The following ZNF383 variants were observed in gnomAD, a reference collection of about 807,000 sequenced individuals.
ZNF383 encodes zinc finger protein 383.
Under a neutral mutation model 44.2 loss-of-function variants are expected in ZNF383, and 32 were observed. The ratio of observed to expected loss-of-function variants is 0.72; its 90% CI spans 0.55 to 0.97. ZNF383 has a LOEUF of 0.97. ZNF383 is among the 50% of genes least tolerant of loss of function. The pLI, the probability that ZNF383 is intolerant of heterozygous loss-of-function variation, is 0.00. For missense variants in ZNF383, 487 were observed against 562.5 expected, an observed-to-expected ratio of 0.87 and a Z score of 1.36; for synonymous variants, 155 against 186.2, an observed-to-expected ratio of 0.83 and a Z score of 1.36.
intron 1 of ZNF383, among the ~76,000 whole-genome samples, chr19:37,222,656 G>A (rs1972980086): frequency 6.6e-6 from 1 of 152,310 alleles, no homozygotes. Flanking sequence ...GGGATTACAG[G>A]TGTGAGCCAC....
chr19:37,243,682 G>GGC lies in ZNF383; in HGVS notation c.*18_*19insGC. On this transcript the variant is annotated 3_prime_UTR_variant, in exon 6 of 6. Transcript: ENST00000684119. Reference sequence around the variant, plus strand: ...ATAAATAATAAAAATTAAAGCCCCTGTCACCTTCCTCATATTTTAAACCAA... The same window carrying GGC: ...ATAAATAATAAAAATTAAAGCCCCTGGCTCACCTTCCTCATATTTTAAACCAA... 2 of 1,450,388 alleles carry GGC rather than the reference G, an allele frequency of 1.4e-6. No homozygotes were observed. The highest frequency in any genetic ancestry group is 9.2e-7 in the Non-Finnish European group (1 of 1,087,154). The allele number at this position is 1,450,388 out of a possible 1,614,324, so 89.8% of individuals were successfully genotyped here. A position where few individuals can be genotyped will look rare whatever the true frequency, so the allele number is the denominator to read the frequency against.
In ZNF383 at chr19:37,235,630, T is replaced by A; in HGVS notation, c.91T>A (p.Tyr31Asn). The A allele has an allele frequency of 1.9e-6, 3 of 1,613,710 alleles. No individual in the cohort carries two copies. The highest frequency in any genetic ancestry group is 2.5e-6 in the Non-Finnish European group (3 of 1,179,878). The part of the protein sequence containing the change: ...DCLDPVQRDL[Y>N]RDVMLENYGN... ...CCTGGACCCTGTTCAGAGGGACTTATACAGAGATGTGATGTTGGAGAACTA... is the reference window on the plus strand; with the variant it reads ...CCTGGACCCTGTTCAGAGGGACTTAAACAGAGATGTGATGTTGGAGAACTA... The change falls in exon 4 of 6, where the codon TAC (tyrosine) becomes AAC (asparagine). Residue 31 changes from tyrosine to asparagine, a missense_variant. Tyr to Asn is a moderately radical substitution (Grantham distance 143). Coordinates refer to ENST00000684119, the MANE Select transcript of ZNF383 (RefSeq NM_001387601.1).
At chr19:37,238,316 TTA>T (rs1436094182) in intron 5 of ZNF383, among the ~76,000 whole-genome samples, 2 of 143,962 alleles carry the variant, frequency 1.4e-5, no homozygotes, top group Non-Finnish European at 3.0e-5. Context: ...ATTTTTAGAA[TTA>T]TATATCACTT....
intron 1 of ZNF383, among the ~76,000 whole-genome samples, chr19:37,220,265 GT>G (rs1214926041): frequency 2.0e-5 from 3 of 151,850 alleles, no homozygotes; most frequent in Admixed American, 1.3e-4. Context: ...GTCTCGCTCT[GT>G]TGCCCAGGCT....
chr19:37,231,242 C>T (rs921103457), intron 3 of ZNF383, among the ~76,000 whole-genome samples: 3 of 152,058 alleles, frequency 2.0e-5, no homozygotes, highest in East Asian at 1.9e-4. Flanking sequence ...ATTTGTAAAA[C>T]GCCAGGTGCA....
intron 3 of ZNF383, among the ~76,000 whole-genome samples, chr19:37,231,457 G>T (rs182132291): frequency 6.6e-6 from 1 of 152,304 alleles, no homozygotes; most frequent in East Asian, 1.9e-4. Context: ...CTGGGAGGCA[G>T]AAATTGCAGT....
intron 2 of ZNF383, among the ~76,000 whole-genome samples, chr19:37,227,941 G>T (rs904505708): frequency 6.6e-6 from 1 of 152,200 alleles, no homozygotes; most frequent in Middle Eastern, 3.2e-3. Flanking sequence ...TGTACAGGGC[G>T]GAACATGAAA....
At position 37,242,494 on chromosome 19, in the gene ZNF383, G is replaced by A; in HGVS notation, c.258G>A (p.Lys86=). The change falls in exon 6 of 6, where the codon AAG becomes AAA. Residue 86 remains lysine (K), a synonymous_variant. Transcript: ENST00000684119. ...CSDLESMCET[K]LLSLKKEVYE... ...ATCTGGAATCGATGTGTGAAACCAA[G>A]TTATTATCTCTAAAGAAGGAAGTTT... The A allele has an allele frequency of 6.2e-7, 1 of 1,602,610 alleles. No individual in the cohort carries two copies. Among genetic ancestry groups the A allele is most frequent in the Non-Finnish European group, 8.5e-7 (1 of 1,173,146 alleles).
intron 4 of ZNF383, 56 bp downstream of exon 4, chr19:37,235,731 C>T (rs761457565): frequency 2.0e-6 from 3 of 1,517,232 alleles, no homozygotes; most frequent in Admixed American, 2.2e-5. Context: ...CTCCTTCTTC[C>T]ACAGTGAATT....
chr19:37,228,874 T>C (rs555753482), intron 2 of ZNF383, among the ~76,000 whole-genome samples: 1 of 152,298 alleles, frequency 6.6e-6, no homozygotes, highest in South Asian at 2.1e-4. Flanking sequence ...AAAAAAATTA[T>C]TTTATTCGCC....
chr19:37,234,628 G>C (rs1033399458), intron 3 of ZNF383, among the ~76,000 whole-genome samples: 3 of 151,990 alleles, frequency 2.0e-5, no homozygotes, highest in Non-Finnish European at 2.9e-5. Flanking sequence ...CTGACCTCGC[G>C]ATCAGCCCGC....
chr19:37,247,396 TAAAA>T lies in ZNF383; in HGVS notation c.*3733_*3736del, dbSNP rs1348205265. ...ATTGAAATGGCTATATATGTAAACT[TAAAA>T]GAACTGTGTCATTTGGGGTAATGAA... On this transcript the variant is annotated 3_prime_UTR_variant, in exon 6 of 6. Transcript: ENST00000684119. 1 of 152,212 alleles carries T rather than the reference TAAAA, an allele frequency of 6.6e-6. No homozygotes were observed. Among genetic ancestry groups the T allele is most frequent in the Non-Finnish European group, 1.5e-5 (1 of 68,040 alleles). 9.4% of individuals were successfully genotyped at this position (152,212 alleles called of 1,614,324 possible).
intron 1 of ZNF383, among the ~76,000 whole-genome samples, chr19:37,223,128 C>G (rs1408081308): frequency 6.6e-6 from 1 of 152,160 alleles, no homozygotes; most frequent in Non-Finnish European, 1.5e-5. Flanking sequence ...TTTTAGCACT[C>G]TTCTCAATAG....
intron 3 of ZNF383, among the ~76,000 whole-genome samples, chr19:37,233,276 G>A (rs759612716): frequency 1.4e-4 from 21 of 151,546 alleles, no homozygotes; most frequent in Non-Finnish European, 2.5e-4. Flanking sequence ...GATTACAGGC[G>A]CGTGCCACCA....
intron 5 of ZNF383, among the ~76,000 whole-genome samples, chr19:37,236,860 G>A (rs189362825): frequency 4.1e-4 from 63 of 151,894 alleles, no homozygotes; most frequent in East Asian, 1.7e-3. Context: ...GAGCCACCGC[G>A]TCCGGCCCCT....
At chr19:37,225,976 A>G (rs988110614) in intron 2 of ZNF383, among the ~76,000 whole-genome samples, 9 of 118,236 alleles carry the variant, frequency 7.6e-5, no homozygotes, top group African/African-American at 6.5e-5. Flanking sequence ...TTTTTTTTGT[A>G]TTTTAGTAGA....
intron 2 of ZNF383, among the ~76,000 whole-genome samples, chr19:37,225,426 T>A (rs977950779): frequency 6.6e-6 from 1 of 152,162 alleles, no homozygotes; most frequent in Non-Finnish European, 1.5e-5. Context: ...CAGTGTTAAG[T>A]ATATTCATAT....
intron 5 of ZNF383, among the ~76,000 whole-genome samples, chr19:37,239,292 AC>A: frequency 6.6e-6 from 1 of 151,988 alleles, no homozygotes; most frequent in South Asian, 2.1e-4. Flanking sequence ...TATGGGACAA[AC>A]CATAGTAGCA....
chr19:37,242,636 C>A lies in ZNF383; in HGVS notation c.400C>A (p.Pro134Thr). 2.5e-6 allele frequency: 4 copies of A among 1,613,998 alleles called. No individual in the cohort carries two copies. Among genetic ancestry groups the A allele is most frequent in the Non-Finnish European group, 3.4e-6 (4 of 1,179,964 alleles). ...RSHLAKQLGY[P>T]NGHFSQEIFT... is the part of the protein sequence containing the mutation. ...CCACCTTGCAAAACAACTGGGATAT[C>A]CAAATGGGCATTTTAGTCAAGAAAT... is the stretch of plus-strand genomic sequence containing the variant. Residue 134 changes from proline (P) to threonine (T), a missense_variant, in exon 6 of 6, where the codon CCA becomes ACA. Pro to Thr is a conservative substitution (Grantham distance 38). Coordinates refer to ENST00000684119, the MANE Select transcript of ZNF383 (RefSeq NM_001387601.1).
Sources: allele counts gnomAD v4.1 joint callset (sites outside exome capture counted in the v4.1 genomes callset), GRCh38; gene constraint gnomAD v4.1.1; transcripts MANE v1.5; gene names NCBI Gene and HGNC (gene_info 2026-07-23, HGNC 2026-07-21).